Variants in BNC2 observed in about 807,000 individuals in gnomAD.
BNC2 encodes the protein zinc finger protein basonuclin-2.
A neutral mutation model predicts 76.3 loss-of-function variants in BNC2; 20 were observed. The observed-to-expected ratio is 0.26, with a 90% CI of 0.18 to 0.38. The LOEUF is 0.38. BNC2 is among the 10% of genes least tolerant of loss of function. The probability of loss-of-function intolerance (pLI) is 1.00; values close to 1 mark genes in which losing one functional copy is unlikely to be tolerated. For missense variants in BNC2, 1,382 were observed against 1,399.8 expected (o/e 0.99, Z 0.20); for synonymous variants, 582 against 514.8 (o/e 1.13, Z -1.77).
chr9:16,530,262 CCT>C (rs892779424), intron 5 of BNC2, among the ~76,000 whole-genome samples: 16 of 151,952 alleles, frequency 1.1e-4, no homozygotes, highest in Middle Eastern at 3.2e-3. Flanking sequence ...TTACGAAATT[CCT>C]CTCTTTGCAG....
chr9:16,616,878 T>C (rs959065132), intron 3 of BNC2, among the ~76,000 whole-genome samples: 1 of 148,926 alleles, frequency 6.7e-6, no homozygotes, highest in Non-Finnish European at 1.5e-5. Flanking sequence ...TGGCTCTCTA[T>C]AGCATTTCAT....
chr9:16,454,178 C>T (rs1475458918), intron 5 of BNC2, among the ~76,000 whole-genome samples: 1 of 152,112 alleles, frequency 6.6e-6, no homozygotes, highest in African/African-American at 2.4e-5. Flanking sequence ...ATCTATGTGC[C>T]ACATGTAATC....
At chr9:16,648,859 C>T (rs1286917550) in intron 3 of BNC2, among the ~76,000 whole-genome samples, 1 of 152,164 alleles carries the variant, frequency 6.6e-6, no homozygotes, top group South Asian at 2.1e-4. Flanking sequence ...ATTATGCCCT[C>T]TAAAGGTGAC....
intron 3 of BNC2, among the ~76,000 whole-genome samples, chr9:16,714,963 G>A (rs1005427569): frequency 6.6e-6 from 1 of 152,124 alleles, no homozygotes; most frequent in African/African-American, 2.4e-5. Context: ...TCTTGAAGCA[G>A]GTATAAAATA....
intron 1 of BNC2, among the ~76,000 whole-genome samples, chr9:16,759,137 T>C (rs1233580462): frequency 1.3e-5 from 2 of 152,168 alleles, no homozygotes; most frequent in African/African-American, 2.4e-5. Flanking sequence ...GGATTACAAG[T>C]TACTACTCCA....
intron 3 of BNC2, among the ~76,000 whole-genome samples, chr9:16,663,630 G>A (rs978232391): frequency 6.6e-6 from 1 of 151,798 alleles, no homozygotes; most frequent in East Asian, 1.9e-4. Context: ...ACTGCATTCC[G>A]GTGACTTTAC....
intron 4 of BNC2, among the ~76,000 whole-genome samples, chr9:16,574,559 G>GA (rs1819428658): frequency 6.6e-6 from 1 of 152,046 alleles, no homozygotes; most frequent in South Asian, 2.1e-4. Context: ...TTCACCTACG[G>GA]AACACTTGGT....
intron 1 of BNC2, among the ~76,000 whole-genome samples, chr9:16,847,706 A>G (rs1352930038): frequency 6.6e-6 from 1 of 152,232 alleles, no homozygotes; most frequent in East Asian, 1.9e-4. Context: ...ACACAAAACT[A>G]TTGAATAAAT....
intron 4 of BNC2, among the ~76,000 whole-genome samples, chr9:16,560,983 A>C (rs1337714569): frequency 6.7e-6 from 1 of 149,554 alleles, no homozygotes; most frequent in African/African-American, 2.5e-5. Flanking sequence ...CATGCCTGTA[A>C]TCCCAGCACT....
intron 3 of BNC2, among the ~76,000 whole-genome samples, chr9:16,597,013 T>A (rs1470647165): frequency 1.3e-5 from 2 of 152,134 alleles, no homozygotes; most frequent in Admixed American, 6.6e-5. Flanking sequence ...CTTCTCTTCA[T>A]CATAGGAACA....
At position 16,552,731 on chromosome 9, in the gene BNC2, G is replaced by T; in HGVS notation, c.468C>A (p.His156Gln). The part of the protein sequence containing the change: ...LDKLSTQHLY[H>Q]PTQVEIVQSN... ...ACTGCACAATCTCCACTTGGGTGGG[G>T]TGGTACAGGTGCTGCGTGCTGAGCT... is the stretch of plus-strand genomic sequence containing the variant. Residue 156 changes from histidine to glutamine, a missense_variant, in exon 5 of 7, where the codon CAC becomes CAA. Physicochemically the swap from His to Gln is conservative, Grantham distance 24 (BLOSUM62 0). Transcript: ENST00000380672. The T allele has an allele frequency of 6.2e-7, 1 of 1,614,172 alleles. No homozygotes were observed. Among genetic ancestry groups the T allele is most frequent in the Non-Finnish European group, 8.5e-7 (1 of 1,180,032 alleles).
chr9:16,678,267 CTTTT>C (rs140809930), intron 3 of BNC2, among the ~76,000 whole-genome samples: 4 of 80,718 alleles, frequency 5.0e-5, no homozygotes, highest in African/African-American at 1.1e-4. Context: ...CTTTCTTTTT[CTTTT>C]TTTTTTTTTT....
chr9:16,834,460 G>C (rs988819587), intron 1 of BNC2, among the ~76,000 whole-genome samples: 1 of 152,152 alleles, frequency 6.6e-6, no homozygotes, highest in Admixed American at 6.5e-5. Flanking sequence ...ACCAGGCTTA[G>C]AGTCAGACTA....
intron 3 of BNC2, among the ~76,000 whole-genome samples, chr9:16,718,397 G>C (rs1288727016): frequency 1.3e-5 from 2 of 152,294 alleles, no homozygotes; most frequent in African/African-American, 4.8e-5. Flanking sequence ...ACAATGAAGA[G>C]TATTTAGTCA....
chr9:16,806,540 A>C (rs1162606434), intron 1 of BNC2, among the ~76,000 whole-genome samples: 1 of 152,216 alleles, frequency 6.6e-6, no homozygotes, highest in Non-Finnish European at 1.5e-5. Flanking sequence ...TTACGCCATA[A>C]GTAAAGTGTT....
rs189269905 is a variant in BNC2 at position 16,575,365 on chromosome 9, G to C, written c.433+7618C>G. 81 of 985,400 alleles carry C rather than the reference G, an allele frequency of 8.2e-5. No homozygotes were observed. In the Admixed American group the frequency reaches 4.2e-3, roughly 52 times the overall value. 61.0% of individuals were successfully genotyped at this position (985,400 alleles called of 1,614,324 possible). A position where few individuals can be genotyped will look rare whatever the true frequency, so the allele number is the denominator to read the frequency against. On this transcript the variant is annotated intron_variant, in intron 4 of 6. Coordinates refer to ENST00000380672, the MANE Select transcript of BNC2 (RefSeq NM_017637.6). ...CCAGCAGTGACTACACTGGAGGCCA[G>C]GTCTTGCCAGCCTCACTTTATGTTC...
chr9:16,689,369 G>C (rs867012509), intron 3 of BNC2, among the ~76,000 whole-genome samples: 2 of 152,034 alleles, frequency 1.3e-5, no homozygotes, highest in South Asian at 2.1e-4. Context: ...ACGATGAAAA[G>C]GGCTCGTAGT....
intron 5 of BNC2, among the ~76,000 whole-genome samples, chr9:16,439,011 G>A (rs1019702554): frequency 2.6e-5 from 4 of 152,230 alleles, no homozygotes; most frequent in South Asian, 2.1e-4. Flanking sequence ...AGTCTTTCCC[G>A]TACTGTTCCT....
chr9:16,709,713 GGA>G (rs1225080837), intron 3 of BNC2, among the ~76,000 whole-genome samples: 1 of 152,058 alleles, frequency 6.6e-6, no homozygotes, highest in Non-Finnish European at 1.5e-5. Context: ...CTAACCTGTG[GGA>G]GAGACAGGGA....
Sources: gnomAD v4.1 joint callset for allele counts (sites outside exome capture counted in the v4.1 genomes callset) on GRCh38, gnomAD v4.1.1 for gene constraint, MANE v1.5 for transcripts, NCBI Gene and HGNC (gene_info 2026-07-23, HGNC 2026-07-21) for gene names.